Variants in PHTF1 observed in about 807,000 individuals in gnomAD.
PHTF1 encodes the protein protein PHTF1.
In PHTF1, 88 loss-of-function variants were observed where a neutral mutation model predicts 102.4. The ratio of observed to expected loss-of-function variants is 0.86; its 90% CI spans 0.72 to 1.03. The LOEUF is 1.03. PHTF1 is among the 50% of genes least tolerant of loss of function. The probability of loss-of-function intolerance (pLI) is 0.00; values close to 1 mark genes in which losing one functional copy is unlikely to be tolerated. For missense variants in PHTF1, 814 were observed against 909.5 expected (o/e 0.89, Z 1.35); for synonymous variants, 289 against 305.2 (o/e 0.95, Z 0.55).
chr1:113,719,225 A>G (rs963974455), intron 7 of PHTF1, among the ~76,000 whole-genome samples: 3 of 151,944 alleles, frequency 2.0e-5, no homozygotes, highest in Non-Finnish European at 4.4e-5. Context: ...TTGGTCTTAA[A>G]CTACTGACCT....
intron 12 of PHTF1, 27 bp from the exon 13 acceptor site, chr1:113,706,189 AT>A: frequency 6.4e-7 from 1 of 1,569,196 alleles, no homozygotes; most frequent in Non-Finnish European, 8.6e-7. Context: ...AATTTCCACC[AT>A]TATTGTGTTA....
At chr1:113,712,203 A>C in intron 8 of PHTF1, 90 bp from the exon 9 acceptor site, 1 of 1,030,642 alleles carries the variant, frequency 9.7e-7, no homozygotes, top group Non-Finnish European at 1.4e-6. Context: ...ATCATACAAA[A>C]ACTACCAAGC....
At chr1:113,704,292 T>C (rs1352097268) in intron 14 of PHTF1, 125 bp from the exon 15 acceptor site, 1 of 560,172 alleles carries the variant, frequency 1.8e-6, no homozygotes, top group Non-Finnish European at 3.2e-6. Context: ...GTTTCTGAGA[T>C]AGGATTTTAA....
chr1:113,751,757 T>C (rs1658116504), intron 3 of PHTF1, among the ~76,000 whole-genome samples: 1 of 152,212 alleles, frequency 6.6e-6, no homozygotes, highest in South Asian at 2.1e-4. Flanking sequence ...GGAGTGGAAA[T>C]GTTGGGTCAT....
chr1:113,747,532 C>T (rs1453695737), intron 3 of PHTF1, among the ~76,000 whole-genome samples: 1 of 152,094 alleles, frequency 6.6e-6, no homozygotes. Flanking sequence ...CCTGGAATTC[C>T]TTTTACTTTG....
intron 11 of PHTF1, among the ~76,000 whole-genome samples, chr1:113,709,273 T>G (rs1325408444): frequency 1.3e-5 from 2 of 152,198 alleles, no homozygotes; most frequent in African/African-American, 4.8e-5. Context: ...ACACTGTTTC[T>G]TGTTCATTTT....
At chr1:113,717,964 A>G (rs942735698) in intron 7 of PHTF1, among the ~76,000 whole-genome samples, 5 of 152,120 alleles carry the variant, frequency 3.3e-5, no homozygotes, top group African/African-American at 9.7e-5. Context: ...CTCACATTTC[A>G]AAACCAATCA....
chr1:113,718,189 GC>G (rs1652366856), intron 7 of PHTF1, among the ~76,000 whole-genome samples: 1 of 152,136 alleles, frequency 6.6e-6, no homozygotes, highest in Admixed American at 6.5e-5. Context: ...GGGTTACAGG[GC>G]CCTTGCAAGT....
chr1:113,713,197 T>A, intron 8 of PHTF1, 82 bp downstream of exon 8: 8 of 1,224,676 alleles, frequency 6.5e-6, no homozygotes, highest in Non-Finnish European at 9.5e-6. Flanking sequence ...TACTAGTACC[T>A]ATTTTATATC....
chr1:113,732,305 G>A (rs1297944290), intron 5 of PHTF1, among the ~76,000 whole-genome samples: 1 of 152,192 alleles, frequency 6.6e-6, no homozygotes, highest in Non-Finnish European at 1.5e-5. Flanking sequence ...AGACCAGCAT[G>A]GTCAACATGG....
At chr1:113,698,183 ACACAC>A in intron 18 of PHTF1, 74 bp downstream of exon 18, 1 of 693,418 alleles carries the variant, frequency 1.4e-6, no homozygotes, top group Non-Finnish European at 2.3e-6. Context: ...ACACACACAC[ACACAC>A]GTGTGAAGAA....
chr1:113,738,660 A>T lies in PHTF1; in HGVS notation c.172+70T>A, dbSNP rs907649593. On this transcript the variant is annotated intron_variant, in intron 4 of 18. Transcript: ENST00000369604. Reference sequence around the variant, plus strand: ...ATTAAAGTATACCATCATATAGAGAAGATATTGAAAATTAAGCATCCCTGT... The same window carrying T: ...ATTAAAGTATACCATCATATAGAGATGATATTGAAAATTAAGCATCCCTGT... 39 of 882,390 alleles carry T rather than the reference A, an allele frequency of 4.4e-5. No individual in the cohort carries two copies. In the African/African-American group the frequency reaches 5.8e-4, roughly 13 times the overall value. 54.7% of individuals were successfully genotyped at this position (882,390 alleles called of 1,614,324 possible). A position where few individuals can be genotyped will look rare whatever the true frequency, so the allele number is the denominator to read the frequency against.
chr1:113,737,138 C>T (rs1408874131), intron 5 of PHTF1, among the ~76,000 whole-genome samples: 1 of 152,158 alleles, frequency 6.6e-6, no homozygotes, highest in Non-Finnish European at 1.5e-5. Flanking sequence ...AGGAAGAACT[C>T]ACAGACTTGG....
intron 13 of PHTF1, 75 bp downstream of exon 13, chr1:113,705,815 C>G (rs1323126949): frequency 2.6e-6 from 3 of 1,135,506 alleles, no homozygotes; most frequent in Non-Finnish European, 3.8e-6. Context: ...GAGACCAAAT[C>G]AAGAGAACAA....
At chr1:113,746,236 A>T (rs931743616) in intron 3 of PHTF1, among the ~76,000 whole-genome samples, 1 of 152,252 alleles carries the variant, frequency 6.6e-6, no homozygotes, top group African/African-American at 2.4e-5. Flanking sequence ...AGCAGGTATC[A>T]TCCAGAAGTA....
chr1:113,752,271 ATTG>A (rs1658197211), intron 3 of PHTF1, among the ~76,000 whole-genome samples: 1 of 151,000 alleles, frequency 6.6e-6, no homozygotes, highest in South Asian at 2.1e-4. Flanking sequence ...CTATTATAAA[ATTG>A]TTTTCTTAAT....
At chr1:113,733,060 ATTTTTTTTTTT>A (rs386368123) in intron 5 of PHTF1, among the ~76,000 whole-genome samples, 1 of 84,164 alleles carries the variant, frequency 1.2e-5, no homozygotes, top group African/African-American at 5.1e-5. Context: ...CGCCTGGCTA[ATTTTTTTTTTT>A]TTTTTTTTTT....
At chr1:113,728,024 C>T (rs770945570) in intron 5 of PHTF1, among the ~76,000 whole-genome samples, 17 of 151,984 alleles carry the variant, frequency 1.1e-4, no homozygotes, top group Non-Finnish European at 2.2e-4. Context: ...AATGGGGTCA[C>T]ATCAAGATAA....
In PHTF1 at chr1:113,744,956, G is replaced by A. The variant is rs190150380; in HGVS notation, c.103-6157C>T. Among the ~76,000 whole-genome samples, 1,041 of 149,978 alleles carry A rather than the reference G, an allele frequency of 6.9e-3. 21 individuals are homozygous for A. The highest frequency in any genetic ancestry group is 0.04 in the Admixed American group (596 of 14,988). ...AGAGCAAGACTCTGTCTCGAAAGAA[G>A]GGAATGGAAGGGAAGGGGAGGGGAG... On this transcript the variant is annotated intron_variant, in intron 3 of 18. Transcript: ENST00000369604.
Sources: gnomAD v4.1 joint callset for allele counts (sites outside exome capture counted in the v4.1 genomes callset) on GRCh38, gnomAD v4.1.1 for gene constraint, MANE v1.5 for transcripts, NCBI Gene and HGNC (gene_info 2026-07-23, HGNC 2026-07-21) for gene names.